The following SLC4A4 variants were observed in gnomAD, a reference collection of about 807,000 sequenced individuals.
SLC4A4 encodes the protein solute carrier family 4 member 4.
In SLC4A4, 27 loss-of-function variants were observed where a neutral mutation model predicts 111.5. The ratio of observed to expected loss-of-function variants is 0.24; its 90% CI spans 0.18 to 0.33. The LOEUF (loss-of-function observed/expected upper bound fraction) is 0.33. Ranked by LOEUF, SLC4A4 falls within the 10% of genes least tolerant of loss-of-function variation. The probability of loss-of-function intolerance (pLI) is 1.00; values close to 1 mark genes in which losing one functional copy is unlikely to be tolerated. For synonymous variants in SLC4A4, 443 were observed against 463.4 expected (o/e 0.96, Z 0.57); for missense variants, 909 against 1,315.5 (o/e 0.69, Z 4.78).
intron 2 of SLC4A4, among the ~76,000 whole-genome samples, chr4:71,181,450 A>G (rs1021324146): frequency 6.6e-6 from 1 of 152,162 alleles, no homozygotes; most frequent in Non-Finnish European, 1.5e-5. Context: ...GGAAGCAAAT[A>G]GTGCTTTTAA....
chr4:71,115,997 C>G (rs192739909), intron 2 of SLC4A4, among the ~76,000 whole-genome samples: 1 of 152,160 alleles, frequency 6.6e-6, no homozygotes, highest in Non-Finnish European at 1.5e-5. Context: ...CAGGTTGAAG[C>G]GATTCTCCTG....
chr4:71,436,760 T>C (rs1057480474), intron 7 of SLC4A4, among the ~76,000 whole-genome samples: 2 of 152,196 alleles, frequency 1.3e-5, no homozygotes, highest in African/African-American at 4.8e-5. Context: ...CAAATATTCA[T>C]TTGAAATAAA....
intron 3 of SLC4A4, among the ~76,000 whole-genome samples, chr4:71,258,053 A>G (rs1340715935): frequency 6.6e-6 from 1 of 152,140 alleles, no homozygotes; most frequent in East Asian, 1.9e-4. Flanking sequence ...ATAAAGTGTA[A>G]ATTGGATCAT....
intron 2 of SLC4A4, among the ~76,000 whole-genome samples, chr4:71,119,285 G>A (rs1375869279): frequency 6.6e-6 from 1 of 152,200 alleles, no homozygotes; most frequent in Non-Finnish European, 1.5e-5. Context: ...CTGTTGAGAA[G>A]TTAACTGTCA....
intron 2 of SLC4A4, among the ~76,000 whole-genome samples, chr4:71,135,296 C>CTTT (rs376221639): frequency 1.5e-4 from 19 of 130,598 alleles, no homozygotes; most frequent in South Asian, 2.5e-4. Context: ...ACAATCTACT[C>CTTT]TTTTTTTTTT....
intron 2 of SLC4A4, among the ~76,000 whole-genome samples, chr4:71,238,849 C>A (rs773918189): frequency 2.6e-5 from 4 of 152,058 alleles, no homozygotes; most frequent in Non-Finnish European, 4.4e-5. Context: ...TTTATAGTAG[C>A]TCTAGGTGAT....
chr4:71,464,377 T>G (rs1727123516), intron 12 of SLC4A4, among the ~76,000 whole-genome samples: 1 of 152,182 alleles, frequency 6.6e-6, no homozygotes, highest in Non-Finnish European at 1.5e-5. Context: ...CCTTTTTCTG[T>G]CTTCTCTGCA....
intron 8 of SLC4A4, among the ~76,000 whole-genome samples, chr4:71,441,082 TAA>T (rs955373638): frequency 7.2e-5 from 11 of 152,182 alleles, no homozygotes; most frequent in African/African-American, 2.4e-4. Flanking sequence ...AAAAAAGGTC[TAA>T]GAGTTTAAGT....
At chr4:71,404,017 G>A (rs539764588) in intron 7 of SLC4A4, among the ~76,000 whole-genome samples, 4 of 152,150 alleles carry the variant, frequency 2.6e-5, no homozygotes, top group East Asian at 1.9e-4. Flanking sequence ...TAGAAATATC[G>A]TAAGAAAGAA....
chr4:71,110,798 G>A (rs1193980396), intron 2 of SLC4A4, among the ~76,000 whole-genome samples: 1 of 151,980 alleles, frequency 6.6e-6, no homozygotes, highest in African/African-American at 2.4e-5. Flanking sequence ...CTTTGTAATG[G>A]GCTCTTCAGT....
chr4:71,291,915 C>T (rs1362995458), intron 3 of SLC4A4, among the ~76,000 whole-genome samples: 1 of 151,942 alleles, frequency 6.6e-6, no homozygotes, highest in Non-Finnish European at 1.5e-5. Flanking sequence ...TGGGTATAGT[C>T]GGTGTATCTA....
chr4:71,417,341 G>A lies in SLC4A4; in HGVS notation c.807+19688G>A, dbSNP rs914899903. Among the ~76,000 whole-genome samples the A allele has an allele frequency of 3.9e-5, 6 of 152,136 alleles. 1 individual carries two copies. Among genetic ancestry groups the A allele is most frequent in the Admixed American group, 2.6e-4 (4 of 15,274 alleles). On this transcript the variant is annotated intron_variant, in intron 7 of 25. Coordinates refer to ENST00000264485, the MANE Select transcript of SLC4A4 (RefSeq NM_001098484.3). ...GGCTAGGGAAAGTCAGGGAAGGTGGGGGGTAGTCAGGGGAGTTAGTCTTTC... is the reference window on the plus strand; with the variant it reads ...GGCTAGGGAAAGTCAGGGAAGGTGGAGGGTAGTCAGGGGAGTTAGTCTTTC...
At chr4:71,358,374 C>G (rs1730473793) in intron 6 of SLC4A4, among the ~76,000 whole-genome samples, 1 of 151,740 alleles carries the variant, frequency 6.6e-6, no homozygotes, top group African/African-American at 2.4e-5. Context: ...ATTCATTGCC[C>G]TCAGCTGCAC....
intron 3 of SLC4A4, among the ~76,000 whole-genome samples, chr4:71,283,140 A>G (rs1347188532): frequency 6.6e-6 from 1 of 152,234 alleles, no homozygotes; most frequent in Non-Finnish European, 1.5e-5. Context: ...CAGTGTAGCA[A>G]CAATGACCAG....
intron 1 of SLC4A4, among the ~76,000 whole-genome samples, chr4:71,217,513 A>C (rs1257867787): frequency 1.3e-5 from 2 of 152,210 alleles, no homozygotes; most frequent in Non-Finnish European, 2.9e-5. Context: ...TCATGAGCTG[A>C]GATCGTGTCA....
intron 20 of SLC4A4, among the ~76,000 whole-genome samples, chr4:71,548,529 C>T (rs983425894): frequency 6.6e-6 from 1 of 151,802 alleles, no homozygotes; most frequent in Non-Finnish European, 1.5e-5. Context: ...ATCATATAAA[C>T]ATGCTTGCGA....
At chr4:71,144,294 C>A (rs981067245) in intron 2 of SLC4A4, among the ~76,000 whole-genome samples, 1 of 152,104 alleles carries the variant, frequency 6.6e-6, no homozygotes, top group Non-Finnish European at 1.5e-5. Flanking sequence ...CTGTTCTGTT[C>A]CATTGATCTA....
At position 71,546,401 on chromosome 4, in the gene SLC4A4, A is replaced by G. The variant is rs777477339; in HGVS notation, c.2494A>G (p.Ile832Val). ...CTTTTGGGTGGCCATCCTCATGGTT[A>G]TATGCTCCCTCATGGCTCTTCCGTG... ...DLFWVAILMVICSLMALPWYV... is the reference protein window; with the variant it reads ...DLFWVAILMVVCSLMALPWYV... The change falls in exon 19 of 26, where the codon ATA becomes GTA. Residue 832 changes from isoleucine (I) to valine (V), a missense_variant. Around this residue, in one of 7 missense-constraint regions of SLC4A4, gnomAD observed 264 missense variants for 356.8 expected, o/e 0.74. Transcript: ENST00000264485. 1.7e-5 allele frequency: 27 copies of G among 1,612,716 alleles called. No individual in the cohort carries two copies. Among genetic ancestry groups the G allele is most frequent in the Non-Finnish European group, 2.3e-5 (27 of 1,179,128 alleles).
intron 15 of SLC4A4, among the ~76,000 whole-genome samples, chr4:71,487,528 G>T (rs1729527946): frequency 6.6e-6 from 1 of 151,536 alleles, no homozygotes; most frequent in African/African-American, 2.4e-5. Flanking sequence ...ATCTTTAGGA[G>T]ACTGGAACTA....
Sources: gnomAD v4.1 joint callset for allele counts (sites outside exome capture counted in the v4.1 genomes callset) on GRCh38, gnomAD v4.1.1 for gene constraint, gnomAD v4.1.1 regional missense constraint, MANE v1.5 for transcripts, NCBI Gene and HGNC (gene_info 2026-07-23, HGNC 2026-07-21) for gene names.